The following ERC2 variants were observed in gnomAD, a reference collection of about 807,000 sequenced individuals.
The protein encoded by ERC2 is ELKS/RAB6-interacting/CAST family member 2, also known as ERC protein 2.
In ERC2, 42 loss-of-function variants were observed where a neutral mutation model predicts 114.8. The observed-to-expected ratio is 0.37, with a 90% CI of 0.29 to 0.47. The LOEUF (loss-of-function observed/expected upper bound fraction) is 0.47. Among genes scored for constraint, ERC2 ranks in the 20% least tolerant of loss-of-function variants. The probability of loss-of-function intolerance (pLI) is 0.99; values close to 1 mark genes in which losing one functional copy is unlikely to be tolerated. For synonymous variants in ERC2, 454 were observed against 425.5 expected (o/e 1.07, Z -0.82); for missense variants, 939 against 1,150.7 (o/e 0.82, Z 2.66).
At chr3:55,799,070 G>A (rs2070761373) in intron 14 of ERC2, among the ~76,000 whole-genome samples, 1 of 152,046 alleles carries the variant, frequency 6.6e-6, no homozygotes, top group African/African-American at 2.4e-5. Flanking sequence ...AATATGGAAG[G>A]GGGATTCATC....
At chr3:56,153,696 C>T (rs1034492895) in intron 4 of ERC2, among the ~76,000 whole-genome samples, 2 of 152,114 alleles carry the variant, frequency 1.3e-5, no homozygotes, top group Admixed American at 6.6e-5. Flanking sequence ...AATCCCTCTC[C>T]AGGAACTGTG....
intron 17 of ERC2, among the ~76,000 whole-genome samples, chr3:55,637,357 A>G (rs815465): frequency 0.93 from 142,054 of 152,266 alleles, 66,330 homozygotes; most frequent in East Asian, 1. Flanking sequence ...TGCTCAAAGG[A>G]TGGGTGGGAG....
chr3:55,569,184 A>T (rs1296232138), intron 17 of ERC2, among the ~76,000 whole-genome samples: 1 of 152,198 alleles, frequency 6.6e-6, no homozygotes, highest in African/African-American at 2.4e-5. Flanking sequence ...CTCAGGGAGA[A>T]AGAATGCTTA....
At chr3:55,837,630 C>CTA (rs1306722849) in intron 14 of ERC2, among the ~76,000 whole-genome samples, 19 of 151,574 alleles carry the variant, frequency 1.3e-4, no homozygotes, top group African/African-American at 4.6e-4. Context: ...GTAGGGATAG[C>CTA]ATTAGGAGAT....
intron 6 of ERC2, among the ~76,000 whole-genome samples, chr3:56,127,050 A>T (rs1385279046): frequency 1.3e-5 from 2 of 152,166 alleles, no homozygotes; most frequent in Non-Finnish European, 2.9e-5. Context: ...GTAAAAAAGA[A>T]ATCAAGAAAA....
intron 3 of ERC2, among the ~76,000 whole-genome samples, chr3:56,258,620 C>G (rs578254708): frequency 6.6e-6 from 1 of 152,344 alleles, no homozygotes. Context: ...CGCCACTGCA[C>G]TCCAGCCTGG....
Position 56,165,906 on chromosome 3 carries a change from A to AC in ERC2, c.1149+7539dup, listed in dbSNP as rs2082302505. Among the ~76,000 whole-genome samples the AC allele has an allele frequency of 2.0e-5, 3 of 151,800 alleles. No individual in the cohort carries two copies. In the South Asian group the frequency reaches 6.2e-4, roughly 31 times the overall value. On this transcript the variant is annotated intron_variant, in intron 4 of 17. Transcript: ENST00000288221. ...TTTTTTTTTTCTTTCTAATTTTTAT[A>AC]CCTAGGATGTCCATAGCATTATCGA...
intron 2 of ERC2, among the ~76,000 whole-genome samples, chr3:56,404,609 G>T (rs762271231): frequency 6.6e-6 from 1 of 151,906 alleles, no homozygotes; most frequent in Non-Finnish European, 1.5e-5. Context: ...ATACTTGAGG[G>T]AATGAATACC....
intron 14 of ERC2, among the ~76,000 whole-genome samples, chr3:55,815,539 C>G (rs1352903709): frequency 6.6e-6 from 1 of 152,170 alleles, no homozygotes; most frequent in Non-Finnish European, 1.5e-5. Context: ...CAACCAGGAG[C>G]TTGGAAGGGG....
At chr3:55,911,679 G>A (rs1235878384) in intron 13 of ERC2, among the ~76,000 whole-genome samples, 3 of 152,138 alleles carry the variant, frequency 2.0e-5, no homozygotes, top group Admixed American at 6.5e-5. Context: ...GAGATTTCAG[G>A]TTCTCATATG....
rs551294350 is a variant in ERC2, at chr3:56,061,262, A to C, written c.1641+19555T>G. ...CTCCTGTGCTCTATAAGACAATTTCAATCGCTAAAATTGACATTCTTGATT... is the reference window on the plus strand; with the variant it reads ...CTCCTGTGCTCTATAAGACAATTTCCATCGCTAAAATTGACATTCTTGATT... On this transcript the variant is annotated intron_variant, in intron 7 of 17. Coordinates refer to ENST00000288221, the MANE Select transcript of ERC2 (RefSeq NM_015576.3). Among the ~76,000 whole-genome samples the C allele has an allele frequency of 8.5e-5, 13 of 152,322 alleles. No individual in the cohort carries two copies. In the South Asian group the frequency reaches 2.5e-3, roughly 29 times the overall value.
chr3:56,003,220 C>CA (rs2149552213), intron 10 of ERC2: 1 of 864,674 alleles, frequency 1.2e-6, no homozygotes, highest in African/African-American at 5.5e-5. Flanking sequence ...CAACAAAATC[C>CA]ATGCATTCGC....
At position 55,907,106 on chromosome 3, in the gene ERC2, A is replaced by C. The variant is rs562571956; in HGVS notation, c.2404-18557T>G. Among the ~76,000 whole-genome samples, 8 of 152,352 alleles carry C rather than the reference A, an allele frequency of 5.3e-5. No individual in the cohort carries two copies. In the South Asian group the frequency reaches 1.7e-3, roughly 32 times the overall value. ...CAGTGGTGAATCAGAAAGTGTCTGCAAAAGAACCAGTAGCTGAAGTAGTGG... is the reference window on the plus strand; with the variant it reads ...CAGTGGTGAATCAGAAAGTGTCTGCCAAAGAACCAGTAGCTGAAGTAGTGG... On this transcript the variant is annotated intron_variant, in intron 13 of 17. Coordinates refer to ENST00000288221, the MANE Select transcript of ERC2 (RefSeq NM_015576.3).
Position 56,214,949 on chromosome 3 carries a change from T to C in ERC2, c.1075-41429A>G, listed in dbSNP as rs1009657388. Among the ~76,000 whole-genome samples the C allele has an allele frequency of 1.2e-4, 19 of 152,276 alleles. No individual in the cohort carries two copies. In the East Asian group the frequency reaches 3.3e-3, roughly 26 times the overall value. ...TTACAGACAAGCAAATGCTGAGAGA[T>C]CTTGTCATCACCATGCCTGCCCTAA... On this transcript the variant is annotated intron_variant, in intron 3 of 17. Transcript: ENST00000288221.
At chr3:56,083,954 A>T (rs752202335) in intron 6 of ERC2, among the ~76,000 whole-genome samples, 1 of 152,156 alleles carries the variant, frequency 6.6e-6, no homozygotes, top group Non-Finnish European at 1.5e-5. Flanking sequence ...GCATCTCATA[A>T]CAAAAATTTT....
chr3:55,914,071 A>T (rs182820515), intron 13 of ERC2, among the ~76,000 whole-genome samples: 19 of 152,268 alleles, frequency 1.2e-4, no homozygotes, highest in Admixed American at 1.1e-3. Flanking sequence ...AGTGAGGAAC[A>T]AGGAGACTGG....
intron 17 of ERC2, among the ~76,000 whole-genome samples, chr3:55,554,502 C>T (rs1330833093): frequency 6.6e-6 from 1 of 152,184 alleles, no homozygotes; most frequent in African/African-American, 2.4e-5. Flanking sequence ...CTCCTAGGAA[C>T]TCTGACAAGA....
rs182086981 is a variant in ERC2, at chr3:55,684,668, C to T, written c.2848-809G>A. 9.9e-4 allele frequency among the ~76,000 whole-genome samples: 151 copies of T among 152,226 alleles called. 1 individual carries two copies. Among genetic ancestry groups the T allele is most frequent in the Admixed American group, 1.8e-3 (28 of 15,290 alleles). On this transcript the variant is annotated intron_variant, in intron 16 of 17. Transcript: ENST00000288221. ...TTGGAATTCTTGTTGAAAAGTGTTT[C>T]GAAAATAGCTCTGGTGACTTTCCTC...
intron 14 of ERC2, among the ~76,000 whole-genome samples, chr3:55,847,452 A>G (rs1206948732): frequency 6.6e-6 from 1 of 152,240 alleles, no homozygotes; most frequent in Non-Finnish European, 1.5e-5. Flanking sequence ...ACCGGGAGAT[A>G]CACTTGACAT....
Sources: allele counts gnomAD v4.1 joint callset (sites outside exome capture counted in the v4.1 genomes callset), GRCh38; gene constraint gnomAD v4.1.1; transcripts MANE v1.5; gene names NCBI Gene and HGNC (gene_info 2026-07-23, HGNC 2026-07-21).